SPNS2: variants seen among roughly 807,000 people sequenced by gnomAD.
SPNS2 encodes the protein sphingosine-1-phosphate transporter SPNS2.
A neutral mutation model predicts 57.6 loss-of-function variants in SPNS2; 37 were observed. That is an observed-to-expected ratio of 0.64 (90% CI 0.49 to 0.85). SPNS2 has a LOEUF of 0.85. SPNS2 is among the 40% of genes least tolerant of loss of function. The pLI is 0.00. For synonymous variants in SPNS2, 440 were observed against 346.9 expected (o/e 1.27, Z -2.98); for missense variants, 831 against 779.1 (o/e 1.07, Z -0.79).
Position 4,510,732 on chromosome 17 carries a change from A to G in SPNS2, c.371-2515A>G, listed in dbSNP as rs7213707. On this transcript the variant is annotated intron_variant, in intron 1 of 12. Transcript: ENST00000329078. This position sits in a 1 kb window ranked among gnomAD's most constrained non-coding sequence, Gnocchi z 4.4. ...CAAAATCGTGACTGTCCCTGCTCTGAGTCCTGGAGATGACCGGCCACGGCT... is the reference window on the plus strand; with the variant it reads ...CAAAATCGTGACTGTCCCTGCTCTGGGTCCTGGAGATGACCGGCCACGGCT... Among the ~76,000 whole-genome samples, 113,941 of 152,064 alleles carry G rather than the reference A, an allele frequency of 0.75. 43,413 individuals carry two copies. Among genetic ancestry groups the G allele is most frequent in the African/African-American group, 0.82 (34,012 of 41,482 alleles).
chr17:4,533,506 G>C (rs1000348420), intron 8 of SPNS2, 74 bp downstream of exon 8: 30 of 1,438,914 alleles, frequency 2.1e-5, no homozygotes, highest in Middle Eastern at 1.8e-4. Context: ...CAGGACATTC[G>C]GTCTGACTTA....
At position 4,510,372 on chromosome 17, in the gene SPNS2, C is replaced by T. The variant is rs1249947018; in HGVS notation, c.371-2875C>T. The stretch of plus-strand genomic sequence containing the variant: ...CCCAGGACTTCCCAGAGACCTTAGA[C>T]GCCCATCTGGATGTGGAGGAATGTT... On this transcript the variant is annotated intron_variant, in intron 1 of 12. Coordinates refer to ENST00000329078, the MANE Select transcript of SPNS2 (RefSeq NM_001124758.3). The surrounding 1 kb of genome is among the most constrained non-coding windows in gnomAD (Gnocchi z 4.4). Among the ~76,000 whole-genome samples, 6 of 152,276 alleles carry T rather than the reference C, an allele frequency of 3.9e-5. No individual in the cohort carries two copies. Among genetic ancestry groups the T allele is most frequent in the South Asian group, 4.1e-4 (2 of 4,824 alleles).
At chr17:4,533,718 T>C in intron 8 of SPNS2, 70 bp from the exon 9 acceptor site, 1 of 1,547,968 alleles carries the variant, frequency 6.5e-7, no homozygotes, top group Non-Finnish European at 8.9e-7. Context: ...AGCCAGTGTG[T>C]AGGGAACAGA....
chr17:4,531,442 G>A (rs1597368816), intron 5 of SPNS2, among the ~76,000 whole-genome samples: 1 of 152,164 alleles, frequency 6.6e-6, no homozygotes, highest in Middle Eastern at 3.2e-3. Flanking sequence ...GTCCATGGCG[G>A]TGCTTCCTGC....
At chr17:4,507,771 C>G (rs1238383049) in intron 1 of SPNS2, among the ~76,000 whole-genome samples, 1 of 152,206 alleles carries the variant, frequency 6.6e-6, no homozygotes, top group African/African-American at 2.4e-5. Context: ...TACGCGGGGA[C>G]AAGCTTGAGT....
At chr17:4,519,605 G>GCACATGTGAGCTGAGCGAGGGCTTCCC (rs1555536333) in intron 2 of SPNS2, among the ~76,000 whole-genome samples, 1 of 151,794 alleles carries the variant, frequency 6.6e-6, no homozygotes, top group African/African-American at 2.4e-5. Context: ...TGTGGGCTCA[G>GCACATGTGAGCTGAGCGAGGGCTTCCC]CACACCCTCC....
Position 4,538,580 on chromosome 17 carries a change from G to A in SPNS2, c.*1132G>A, listed in dbSNP as rs970277911. On this transcript the variant is annotated 3_prime_UTR_variant, in exon 13 of 13. Transcript: ENST00000329078. ...GCTTTGGGGGAGCTTAGCCCCCTGC[G>A]TCACCCACTCCCTGCACTTCTGCTG... is the stretch of plus-strand genomic sequence containing the variant. 2.8e-4 allele frequency: 109 copies of A among 390,186 alleles called. No homozygotes were observed. The highest frequency in any genetic ancestry group is 1.7e-3 in the African/African-American group (82 of 48,360). 24.2% of individuals were successfully genotyped at this position (390,186 alleles called of 1,614,324 possible). A position where few individuals can be genotyped will look rare whatever the true frequency, so the allele number is the denominator to read the frequency against.
At chr17:4,501,961 C>T (rs553129017) in intron 1 of SPNS2, among the ~76,000 whole-genome samples, 12 of 152,326 alleles carry the variant, frequency 7.9e-5, no homozygotes, top group African/African-American at 2.9e-4. Flanking sequence ...ATGTAAGCCA[C>T]ATATTCCTGT....
At chr17:4,528,554 C>G (rs1322932412) in intron 3 of SPNS2, among the ~76,000 whole-genome samples, 1 of 151,696 alleles carries the variant, frequency 6.6e-6, no homozygotes, top group Non-Finnish European at 1.5e-5. Context: ...CCTCTGCCAC[C>G]CCCTCCTCCA....
chr17:4,536,252 A>T lies in SPNS2; in HGVS notation c.1444-11A>T. The T allele has an allele frequency of 6.2e-7, 1 of 1,611,022 alleles. No individual in the cohort carries two copies. The highest frequency in any genetic ancestry group is 1.1e-5 in the South Asian group (1 of 91,032). ...GGCTCTGCCCTGACATCCACCCCCAAATCCTCGCAGATCTCAGACCTGATC... is the reference window on the plus strand; with the variant it reads ...GGCTCTGCCCTGACATCCACCCCCATATCCTCGCAGATCTCAGACCTGATC... On this transcript the variant is annotated splice_polypyrimidine_tract_variant and intron_variant, in intron 10 of 12. Coordinates refer to ENST00000329078, the MANE Select transcript of SPNS2 (RefSeq NM_001124758.3).
rs1481907642 is a variant in SPNS2, at chr17:4,512,966, A to G, written c.371-281A>G. On this transcript the variant is annotated intron_variant, in intron 1 of 12. Coordinates refer to ENST00000329078, the MANE Select transcript of SPNS2 (RefSeq NM_001124758.3). The surrounding 1 kb of genome is among the most constrained non-coding windows in gnomAD (Gnocchi z 5.2). ...AGGGAAGAGGCCCAAGCTGGCAGAT[A>G]GGAGGTGTGGTTGCCCATGGGGCAG... is the stretch of plus-strand genomic sequence containing the variant. 3.3e-5 allele frequency among the ~76,000 whole-genome samples: 5 copies of G among 152,206 alleles called. No individual in the cohort carries two copies. The highest frequency in any genetic ancestry group is 7.3e-5 in the Non-Finnish European group (5 of 68,038).
rs570055869 is a variant in SPNS2 at position 4,513,610 on chromosome 17, C to A, written c.436+298C>A. Among the ~76,000 whole-genome samples the A allele has an allele frequency of 9.8e-5, 15 of 152,286 alleles. No homozygotes were observed. In the South Asian group the frequency reaches 2.9e-3, roughly 29 times the overall value. On this transcript the variant is annotated intron_variant, in intron 2 of 12. Transcript: ENST00000329078. ...CTTTCTCTGGGTCCTGGGGCCTCAT[C>A]GGGACCCAGTGATCCAGGCTCCCTC...
intron 1 of SPNS2, among the ~76,000 whole-genome samples, chr17:4,508,649 C>T (rs149932093): frequency 3.6e-4 from 55 of 152,268 alleles, no homozygotes; most frequent in South Asian, 2.3e-3. Context: ...GAATTCTGGG[C>T]GGCAATGGGG....
Position 4,538,124 on chromosome 17 carries a change from A to C in SPNS2, c.*676A>C. On this transcript the variant is annotated 3_prime_UTR_variant, in exon 13 of 13. Transcript: ENST00000329078. ...GGTCCCAGATGGGGACTGTTCTGACAAGCTGGCATCACCAGGGGTGAAGGC... is the reference window on the plus strand; with the variant it reads ...GGTCCCAGATGGGGACTGTTCTGACCAGCTGGCATCACCAGGGGTGAAGGC... 3.2e-6 allele frequency: 1 copy of C among 308,078 alleles called. No homozygotes were observed. 19.1% of individuals were successfully genotyped at this position (308,078 alleles called of 1,614,324 possible).
chr17:4,515,416 G>A (rs540621414), intron 2 of SPNS2, among the ~76,000 whole-genome samples: 3 of 152,308 alleles, frequency 2.0e-5, no homozygotes, highest in Non-Finnish European at 2.9e-5. Flanking sequence ...CTGCCCATAG[G>A]CTGGGGGGGA....
intron 2 of SPNS2, among the ~76,000 whole-genome samples, chr17:4,521,322 C>T (rs1407085228): frequency 6.6e-6 from 1 of 152,254 alleles, no homozygotes; most frequent in East Asian, 1.9e-4. Flanking sequence ...TCCCTCCTGC[C>T]ACATTCTGAT....
chr17:4,523,481 C>T (rs945424540), intron 2 of SPNS2, among the ~76,000 whole-genome samples: 2 of 150,918 alleles, frequency 1.3e-5, no homozygotes, highest in Non-Finnish European at 1.5e-5. Flanking sequence ...CAATAAATTT[C>T]TCTCAGCCAG....
intron 3 of SPNS2, among the ~76,000 whole-genome samples, chr17:4,527,210 T>G (rs1308766234): frequency 6.6e-6 from 1 of 152,246 alleles, no homozygotes; most frequent in East Asian, 1.9e-4. Context: ...ATTCTGAAGT[T>G]AATTTGGCAG....
intron 5 of SPNS2, among the ~76,000 whole-genome samples, chr17:4,531,732 C>T (rs1310456375): frequency 6.6e-6 from 1 of 151,994 alleles, no homozygotes; most frequent in East Asian, 1.9e-4. Flanking sequence ...AGAGGAACTC[C>T]CCAACCCAGG....
Sources: allele counts gnomAD v4.1 joint callset (sites outside exome capture counted in the v4.1 genomes callset), GRCh38; gene constraint gnomAD v4.1.1; non-coding constraint Gnocchi (gnomAD v3.1); transcripts MANE v1.5; gene names NCBI Gene and HGNC (gene_info 2026-07-23, HGNC 2026-07-21).